The following PPP6R3 variants were observed in gnomAD, a reference collection of about 807,000 sequenced individuals.
The protein encoded by PPP6R3 is protein phosphatase 6 regulatory subunit 3, also known as serine/threonine-protein phosphatase 6 regulatory subunit 3.
In PPP6R3, 38 loss-of-function variants were observed where a neutral mutation model predicts 110.7. The ratio of observed to expected loss-of-function variants is 0.34; its 90% CI spans 0.26 to 0.45. The LOEUF (loss-of-function observed/expected upper bound fraction) is 0.45. Among genes scored for constraint, PPP6R3 ranks in the 20% least tolerant of loss-of-function variants. The probability of loss-of-function intolerance (pLI) is 1.00; values close to 1 mark genes in which losing one functional copy is unlikely to be tolerated. For synonymous variants in PPP6R3, 369 were observed against 373.5 expected, an observed-to-expected ratio of 0.99 and a Z score of 0.14; for missense variants, 870 against 1,062.4, an observed-to-expected ratio of 0.82 and a Z score of 2.52.
At chr11:68,486,328 G>A (rs148221087) in intron 1 of PPP6R3, among the ~76,000 whole-genome samples, 4 of 151,888 alleles carry the variant, frequency 2.6e-5, no homozygotes, top group Admixed American at 6.6e-5. Flanking sequence ...TGCGACTGCC[G>A]GGTGCAGTGG....
chr11:68,477,728 T>TAAAAA lies in PPP6R3; in HGVS notation c.-158+16911_-158+16915dup, dbSNP rs1181714569. ...AGAGACAGAGAGAGACATTGTCTCTTAAAAAAAAAAAAAATATATATATAT... is the reference window on the plus strand; with the variant it reads ...AGAGACAGAGAGAGACATTGTCTCTTAAAAAAAAAAAAAAAAAAATATATATATAT... On this transcript the variant is annotated intron_variant, in intron 1 of 23. Transcript: ENST00000393800. Among the ~76,000 whole-genome samples, 150 of 77,400 alleles carry TAAAAA rather than the reference T, an allele frequency of 1.9e-3. 2 individuals are homozygous for TAAAAA. The highest frequency in any genetic ancestry group is 6.4e-3 in the African/African-American group (109 of 17,120). The allele number at this position is 77,400 out of a possible 152,430, so 50.8% of individuals were successfully genotyped here. A position where few individuals can be genotyped will look rare whatever the true frequency, so the allele number is the denominator to read the frequency against.
At chr11:68,466,387 A>T (rs979016985) in intron 1 of PPP6R3, among the ~76,000 whole-genome samples, 1 of 151,782 alleles carries the variant, frequency 6.6e-6, no homozygotes, top group Non-Finnish European at 1.5e-5. Flanking sequence ...GGCATTTGAC[A>T]GTATGTGGAA....
intron 15 of PPP6R3, chr11:68,587,706 G>C (rs886636363): frequency 6.6e-6 from 4 of 610,424 alleles, no homozygotes; most frequent in African/African-American, 1.8e-5. Flanking sequence ...GTTTCTTACA[G>C]TGACATGTGC....
intron 15 of PPP6R3, among the ~76,000 whole-genome samples, chr11:68,583,421 A>G (rs538867953): frequency 1.3e-5 from 2 of 152,380 alleles, no homozygotes; most frequent in African/African-American, 4.8e-5. Context: ...TGCTTGTTAC[A>G]CAGACCTTTA....
In PPP6R3 at chr11:68,614,549, G is replaced by A; in HGVS notation, c.*1432G>A. 6.7e-7 allele frequency: 1 copy of A among 1,486,858 alleles called. No individual in the cohort carries two copies. Among genetic ancestry groups the A allele is most frequent in the Non-Finnish European group, 8.9e-7 (1 of 1,129,354 alleles). The allele number at this position is 1,486,858 out of a possible 1,614,324, so 92.1% of individuals were successfully genotyped here. A position where few individuals can be genotyped will look rare whatever the true frequency, so the allele number is the denominator to read the frequency against. On this transcript the variant is annotated 3_prime_UTR_variant, in exon 24 of 24. Coordinates refer to ENST00000393800, the MANE Select transcript of PPP6R3 (RefSeq NM_001164161.2). ...TTAGAAGTAGCATCCCAAGCAGCGT[G>A]CCTAAACATTACATTGCATATGGAA...
intron 1 of PPP6R3, among the ~76,000 whole-genome samples, chr11:68,462,011 G>A (rs2098711318): frequency 6.6e-6 from 1 of 152,106 alleles, no homozygotes; most frequent in South Asian, 2.1e-4. Flanking sequence ...GTGACCTTGG[G>A]CAAGTTACCC....
chr11:68,520,195 A>G (rs1272845099), intron 2 of PPP6R3, among the ~76,000 whole-genome samples: 1 of 152,146 alleles, frequency 6.6e-6, no homozygotes, highest in African/African-American at 2.4e-5. Flanking sequence ...CTTTTGGGGG[A>G]CATGCAAACA....
intron 1 of PPP6R3, among the ~76,000 whole-genome samples, chr11:68,482,222 C>CAAA (rs35130397): frequency 0.013 from 1,103 of 87,002 alleles, 7 homozygotes; most frequent in Non-Finnish European, 0.015. Context: ...CCCATCTCTC[C>CAAA]AAAAAAAAAA....
chr11:68,571,899 A>G (rs1192969118), intron 12 of PPP6R3, among the ~76,000 whole-genome samples: 1 of 151,562 alleles, frequency 6.6e-6, no homozygotes, highest in African/African-American at 2.4e-5. Flanking sequence ...CACCCCCAAA[A>G]TTTCTCTCAT....
intron 13 of PPP6R3, among the ~76,000 whole-genome samples, chr11:68,574,826 T>C (rs1039080308): frequency 1.3e-5 from 2 of 152,236 alleles, no homozygotes; most frequent in Non-Finnish European, 2.9e-5. Flanking sequence ...GAGAGAACTG[T>C]GTACTCTGGG....
intron 3 of PPP6R3, among the ~76,000 whole-genome samples, chr11:68,539,320 A>G (rs1205477423): frequency 6.6e-6 from 1 of 152,178 alleles, no homozygotes; most frequent in Non-Finnish European, 1.5e-5. Flanking sequence ...GAGGCTAGTA[A>G]TGTTTTAATC....
chr11:68,580,746 C>CTTTTTTTTTT (rs71043441), intron 14 of PPP6R3, among the ~76,000 whole-genome samples: 8 of 67,532 alleles, frequency 1.2e-4, no homozygotes, highest in African/African-American at 1.5e-4. Context: ...GGTAAATAAT[C>CTTTTTTTTTT]TTTTTTTTTT....
rs1398278319 is a variant in PPP6R3 at position 68,528,424 on chromosome 11, TTG to T, written c.-7+8782_-7+8783del. On this transcript the variant is annotated intron_variant, in intron 2 of 23. Transcript: ENST00000393800. The stretch of plus-strand genomic sequence containing the variant: ...GTAGGCACCTGATATTTGATTTAAT[TTG>T]TGTGTGTGGGGGGGGGGGCTGCACC... 2.5e-3 allele frequency among the ~76,000 whole-genome samples: 114 copies of T among 45,970 alleles called. 3 individuals are homozygous for T. Among genetic ancestry groups the T allele is most frequent in the African/African-American group, 6.2e-3 (85 of 13,698 alleles). The allele number at this position is 45,970 out of a possible 152,430, so 30.2% of individuals were successfully genotyped here.
chr11:68,471,116 C>G (rs1591551288), intron 1 of PPP6R3, among the ~76,000 whole-genome samples: 1 of 151,130 alleles, frequency 6.6e-6, no homozygotes, highest in African/African-American at 2.4e-5. Context: ...CCCGTCTCTA[C>G]TAAAAAAAAT....
intron 18 of PPP6R3, 146 bp downstream of exon 18, chr11:68,591,852 G>A: frequency 9.9e-7 from 1 of 1,012,524 alleles, no homozygotes; most frequent in Non-Finnish European, 1.4e-6. Flanking sequence ...TGCCCTTGTT[G>A]GCGGGAGTTG....
intron 1 of PPP6R3, among the ~76,000 whole-genome samples, chr11:68,497,995 AGTTTGTTCTGTG>A (rs1257220552): frequency 1.3e-5 from 2 of 152,140 alleles, no homozygotes; most frequent in East Asian, 3.8e-4. Context: ...TGACCTGGAT[AGTTTGTTCTGTG>A]GTTTTCCCCA....
chr11:68,495,736 T>C (rs7115050), intron 1 of PPP6R3, among the ~76,000 whole-genome samples: 12,732 of 152,304 alleles, frequency 0.084, 704 homozygotes, highest in Non-Finnish European at 0.12. Flanking sequence ...ATTCATCAGT[T>C]GATAGATACT....
intron 1 of PPP6R3, among the ~76,000 whole-genome samples, chr11:68,515,486 T>C (rs1285502557): frequency 6.6e-6 from 1 of 152,214 alleles, no homozygotes; most frequent in Non-Finnish European, 1.5e-5. Flanking sequence ...GAAAGAAAAG[T>C]CATACCAGCT....
At chr11:68,574,331 C>T (rs1483829696) in intron 13 of PPP6R3, 107 bp downstream of exon 13, 2 of 828,710 alleles carry the variant, frequency 2.4e-6, no homozygotes, top group Admixed American at 4.9e-5. Flanking sequence ...TGTGGGACTT[C>T]TTTATATTTG....
Sources: gnomAD v4.1 joint callset for allele counts (sites outside exome capture counted in the v4.1 genomes callset) on GRCh38, gnomAD v4.1.1 for gene constraint, MANE v1.5 for transcripts, NCBI Gene and HGNC (gene_info 2026-07-23, HGNC 2026-07-21) for gene names.